Variants in ADAMTS2 observed in about 807,000 individuals in gnomAD.
ADAMTS2 encodes the protein ADAM metallopeptidase with thrombospondin type 1 motif 2.
In ADAMTS2, 50 loss-of-function variants were observed where a neutral mutation model predicts 123.0. That is an observed-to-expected ratio of 0.41 (90% CI 0.32 to 0.51). ADAMTS2 has a LOEUF of 0.51. Among genes scored for constraint, ADAMTS2 ranks in the 20% least tolerant of loss-of-function variants. ADAMTS2 has a pLI of 0.35. For synonymous variants in ADAMTS2, 678 were observed against 695.4 expected (o/e 0.98, Z 0.39); for missense variants, 1,494 against 1,705.2 (o/e 0.88, Z 2.18).
At chr5:179,208,172 G>T (rs1764762331) in intron 3 of ADAMTS2, among the ~76,000 whole-genome samples, 1 of 151,662 alleles carries the variant, frequency 6.6e-6, no homozygotes. Flanking sequence ...CGATGCTGGA[G>T]TGGGTAGAGC....
At chr5:179,245,621 C>T (rs966588527) in intron 3 of ADAMTS2, among the ~76,000 whole-genome samples, 17 of 149,916 alleles carry the variant, frequency 1.1e-4, no homozygotes, top group Non-Finnish European at 2.2e-4. Context: ...AAAAAATTAG[C>T]CGGGCGTGGT....
At chr5:179,212,006 C>T (rs554029559) in intron 3 of ADAMTS2, among the ~76,000 whole-genome samples, 14 of 152,296 alleles carry the variant, frequency 9.2e-5, no homozygotes, top group South Asian at 2.1e-4. Context: ...AGTGGGCACG[C>T]GCCCAGGCCT....
chr5:179,125,316 C>T (rs2113188373), intron 18 of ADAMTS2, 136 bp from the exon 19 acceptor site: 1 of 738,552 alleles, frequency 1.4e-6, no homozygotes, highest in Non-Finnish European at 2.3e-6. Flanking sequence ...CCCGGTGCAC[C>T]TTCTCTTATT....
At chr5:179,243,023 C>A (rs1412598276) in intron 3 of ADAMTS2, among the ~76,000 whole-genome samples, 3 of 152,022 alleles carry the variant, frequency 2.0e-5, no homozygotes, top group Non-Finnish European at 2.9e-5. Context: ...CCAAGAAGAT[C>A]AGAGGCTACC....
chr5:179,286,427 G>A (rs139203089), intron 2 of ADAMTS2, among the ~76,000 whole-genome samples: 4 of 152,190 alleles, frequency 2.6e-5, no homozygotes, highest in East Asian at 1.9e-4. Context: ...AGACAGAGCC[G>A]GCACGGTGGG....
chr5:179,299,530 A>AACACACACACACACAC (rs3986821), intron 2 of ADAMTS2, among the ~76,000 whole-genome samples: 3,473 of 120,436 alleles, frequency 0.029, 85 homozygotes, highest in Middle Eastern at 0.085. Flanking sequence ...CTCCAACTCA[A>AACACACACACACACAC]ACACACACAC....
At position 179,185,982 on chromosome 5, in the gene ADAMTS2, G is replaced by A. The variant is rs1269881880; in HGVS notation, c.892-4827C>T. On this transcript the variant is annotated intron_variant, in intron 4 of 21. Transcript: ENST00000251582. The surrounding 1 kb of genome is among the most constrained non-coding windows in gnomAD (Gnocchi z 5.9). The stretch of plus-strand genomic sequence containing the variant: ...CCTCCCTCCCTGGTAGCCTTCAACT[G>A]TGGTGCGCTCTCCCTGATCCTCTCC... Among the ~76,000 whole-genome samples the A allele has an allele frequency of 6.6e-6, 1 of 152,086 alleles. No homozygotes were observed. The highest frequency in any genetic ancestry group is 2.4e-5 in the African/African-American group (1 of 41,424).
Position 179,181,250 on chromosome 5 carries a change from C to A in ADAMTS2, c.892-95G>T. The A allele has an allele frequency of 1.1e-6, 1 of 892,492 alleles. No individual in the cohort carries two copies. Among genetic ancestry groups the A allele is most frequent in the Non-Finnish European group, 1.9e-6 (1 of 537,174 alleles). The allele number at this position is 892,492 out of a possible 1,614,324, so 55.3% of individuals were successfully genotyped here. On this transcript the variant is annotated intron_variant, in intron 4 of 21. Coordinates refer to ENST00000251582, the MANE Select transcript of ADAMTS2 (RefSeq NM_014244.5). The surrounding 1 kb of genome is among the most constrained non-coding windows in gnomAD (Gnocchi z 4.1). ...TGACCCCCACCTGCTCCTTCTTCTT[C>A]CCATGCTTTCCACCCAGGCGTCACC...
In ADAMTS2 at chr5:179,125,097, G is replaced by T. The variant is rs200309353; in HGVS notation, c.2834C>A (p.Pro945Gln). 2 of 1,612,816 alleles carry T rather than the reference G, an allele frequency of 1.2e-6. No homozygotes were observed. The highest frequency in any genetic ancestry group is 2.7e-5 in the African/African-American group (2 of 74,902). Residue 945 changes from proline to glutamine, a missense_variant, in exon 19 of 22, where the codon CCG (proline) becomes CAG (glutamine). By Grantham distance (76) the Pro-to-Gln change is moderately conservative (BLOSUM62 -1). Coordinates refer to ENST00000251582, the MANE Select transcript of ADAMTS2 (RefSeq NM_014244.5). ...GGAGCGGGTGGTGTTGTCGTGTAGCGGCTGAATGCAGCGCACGGAGCGCAC... is the reference window on the plus strand; with the variant it reads ...GGAGCGGGTGGTGTTGTCGTGTAGCTGCTGAATGCAGCGCACGGAGCGCAC... The part of the protein sequence containing the change: ...MQVRSVRCIQ[P>Q]LHDNTTRSVH...
chr5:179,192,605 T>C (rs931863324), intron 4 of ADAMTS2, among the ~76,000 whole-genome samples: 1 of 152,116 alleles, frequency 6.6e-6, no homozygotes, highest in Non-Finnish European at 1.5e-5. Flanking sequence ...CTGCTCAGGA[T>C]CAGAAGGGCC....
rs752181159 is a variant in ADAMTS2, at chr5:179,158,027, C to T, written c.1132+696G>A. On this transcript the variant is annotated intron_variant, in intron 6 of 21. Coordinates refer to ENST00000251582, the MANE Select transcript of ADAMTS2 (RefSeq NM_014244.5). The surrounding 1 kb of genome is among the most constrained non-coding windows in gnomAD (Gnocchi z 5.0). ...TCTCCCAGGCTGGAGCAAAGTGGTG[C>T]GATCTCGACTCATTGCAAACTCCGC... 5.9e-5 allele frequency among the ~76,000 whole-genome samples: 9 copies of T among 151,682 alleles called. No homozygotes were observed. The highest frequency in any genetic ancestry group is 1.0e-4 in the Non-Finnish European group (7 of 67,968).
chr5:179,212,371 G>C (rs1304859002), intron 3 of ADAMTS2, among the ~76,000 whole-genome samples: 11 of 148,678 alleles, frequency 7.4e-5, no homozygotes, highest in African/African-American at 2.7e-4. Context: ...CTGAGGGCGG[G>C]TGCAGTGGGC....
At chr5:179,145,645 C>T (rs780238713) in intron 10 of ADAMTS2, among the ~76,000 whole-genome samples, 33 of 152,216 alleles carry the variant, frequency 2.2e-4, no homozygotes, top group Non-Finnish European at 4.4e-4. Context: ...TATGAAATGT[C>T]CAGAATTGGA....
intron 13 of ADAMTS2, among the ~76,000 whole-genome samples, chr5:179,135,162 A>G (rs62396129): frequency 0.14 from 3,424 of 25,212 alleles, 63 homozygotes; most frequent in Non-Finnish European, 0.15. Flanking sequence ...CCAGCTCCCG[A>G]CTCCAGCTCC....
rs566331643 is a variant in ADAMTS2, at chr5:179,188,940, C to T, written c.892-7785G>A. Among the ~76,000 whole-genome samples the T allele has an allele frequency of 7.2e-5, 11 of 152,218 alleles. No homozygotes were observed. The highest frequency in any genetic ancestry group is 2.0e-4 in the Admixed American group (3 of 15,288). ...ACAAACCTTCCCGGGTTTGTACTAA[C>T]GACGGCAAGAGGCTGCCCCTCCCCC... On this transcript the variant is annotated intron_variant, in intron 4 of 21. Transcript: ENST00000251582. The surrounding 1 kb of genome is among the most constrained non-coding windows in gnomAD (Gnocchi z 5.1).
chr5:179,123,875 T>C (rs1486676038), intron 19 of ADAMTS2, among the ~76,000 whole-genome samples: 1 of 152,226 alleles, frequency 6.6e-6, no homozygotes, highest in African/African-American at 2.4e-5. Flanking sequence ...CAGTGATGGA[T>C]GGGGAACACC....
chr5:179,252,123 T>C (rs185055545), intron 3 of ADAMTS2, among the ~76,000 whole-genome samples: 267 of 151,238 alleles, frequency 1.8e-3, no homozygotes, highest in African/African-American at 6.1e-3. Context: ...TTCTCCTGCC[T>C]CAGCCTCCCA....
At chr5:179,134,959 C>T (rs1434662483) in intron 13 of ADAMTS2, among the ~76,000 whole-genome samples, 1 of 142,502 alleles carries the variant, frequency 7.0e-6, no homozygotes, top group African/African-American at 2.7e-5. Context: ...GCTCCAGCTC[C>T]CGGCTCCAGC....
Position 179,189,892 on chromosome 5 carries a change from C to G in ADAMTS2, c.892-8737G>C, listed in dbSNP as rs1053362021. On this transcript the variant is annotated intron_variant, in intron 4 of 21. Coordinates refer to ENST00000251582, the MANE Select transcript of ADAMTS2 (RefSeq NM_014244.5). This position sits in a 1 kb window ranked among gnomAD's most constrained non-coding sequence, Gnocchi z 4.2. The stretch of plus-strand genomic sequence containing the variant: ...ATCATACAAAGTAGATTCACAAGGG[C>G]GGGTCCGGCGGGGGCGGGTGGCAAT... 6.7e-6 allele frequency among the ~76,000 whole-genome samples: 1 copy of G among 149,016 alleles called. No individual in the cohort carries two copies. The highest frequency in any genetic ancestry group is 2.5e-5 in the African/African-American group (1 of 40,114).
Sources: allele counts gnomAD v4.1 joint callset (sites outside exome capture counted in the v4.1 genomes callset), GRCh38; gene constraint gnomAD v4.1.1; non-coding constraint Gnocchi (gnomAD v3.1); transcripts MANE v1.5; gene names NCBI Gene and HGNC (gene_info 2026-07-23, HGNC 2026-07-21).